Variants in AFDN observed in about 807,000 individuals in gnomAD.
AFDN encodes the protein afadin.
AFDN carries 68 observed loss-of-function variants against 216.6 expected under a neutral mutation model. That is an observed-to-expected ratio of 0.31 (90% CI 0.26 to 0.38). The LOEUF is 0.38. AFDN is among the 10% of genes least tolerant of loss of function. The pLI is 1.00. For missense variants in AFDN, 2,136 were observed against 2,342.0 expected, an observed-to-expected ratio of 0.91 and a Z score of 1.82; for synonymous variants, 868 against 853.7, an observed-to-expected ratio of 1.02 and a Z score of -0.29.
intron 1 of AFDN, among the ~76,000 whole-genome samples, chr6:167,834,477 T>A (rs1243512272): frequency 6.8e-6 from 1 of 146,730 alleles, no homozygotes; most frequent in African/African-American, 2.5e-5. Context: ...TTTTTTTTTT[T>A]TTCGAAAGGT....
In AFDN at chr6:167,946,683, A is replaced by T; in HGVS notation, c.3359-24A>T. The T allele has an allele frequency of 3.1e-6, 5 of 1,602,942 alleles. No individual in the cohort carries two copies. In the South Asian group the frequency reaches 4.4e-5, roughly 14 times the overall value. On this transcript the variant is annotated intron_variant, in intron 26 of 33. Transcript: ENST00000683244. ...GGTGTTGAAAATAAAATCTTAAGAG[A>T]TACTGAATATGCTTTGATTCCAGTT...
intron 21 of AFDN, among the ~76,000 whole-genome samples, chr6:167,920,242 G>A (rs1054905016): frequency 6.6e-6 from 1 of 152,126 alleles, no homozygotes. Flanking sequence ...ACGAGGTTGG[G>A]GAAGGAGGAG....
intron 31 of AFDN, chr6:167,963,967 G>A: frequency 9.4e-7 from 1 of 1,064,792 alleles, no homozygotes. Flanking sequence ...AGTGCCCATT[G>A]CTATAGCTGG....
intron 21 of AFDN, among the ~76,000 whole-genome samples, chr6:167,922,591 T>C (rs772561546): frequency 6.6e-6 from 1 of 152,174 alleles, no homozygotes; most frequent in Non-Finnish European, 1.5e-5. Flanking sequence ...GGTAATTTCT[T>C]ATAGGAGTAA....
In AFDN at chr6:167,866,259, G is replaced by A. The variant is rs188571296; in HGVS notation, c.301+1513G>A. On this transcript the variant is annotated intron_variant, in intron 2 of 33. Transcript: ENST00000683244. Reference sequence around the variant, plus strand: ...AGAAAAGGGTGAAAACAAAAAGATGGTTAAAGAAGAAGGAAATAGTGTCTT... The same window carrying A: ...AGAAAAGGGTGAAAACAAAAAGATGATTAAAGAAGAAGGAAATAGTGTCTT... Among the ~76,000 whole-genome samples the A allele has an allele frequency of 2.0e-3, 297 of 152,238 alleles. 3 individuals carry two copies. The highest frequency in any genetic ancestry group is 4.7e-4 in the Non-Finnish European group (32 of 68,002).
intron 30 of AFDN, among the ~76,000 whole-genome samples, chr6:167,959,647 A>C (rs186467875): frequency 1.5e-4 from 23 of 152,320 alleles, no homozygotes; most frequent in African/African-American, 5.3e-4. Flanking sequence ...TTTTATGTTC[A>C]GATACCAGTT....
At chr6:167,960,777 G>A (rs1387663194) in intron 30 of AFDN, among the ~76,000 whole-genome samples, 4 of 152,150 alleles carry the variant, frequency 2.6e-5, no homozygotes, top group Non-Finnish European at 5.9e-5. Flanking sequence ...TCAACTCAAG[G>A]GCAAGGCGTC....
chr6:167,924,652 A>G (rs183112934), intron 22 of AFDN, among the ~76,000 whole-genome samples: 8 of 152,340 alleles, frequency 5.3e-5, no homozygotes, highest in Admixed American at 5.2e-4. Context: ...CTGGTAATTT[A>G]TTTTGAAAGG....
intron 1 of AFDN, among the ~76,000 whole-genome samples, chr6:167,840,841 G>C (rs918585169): frequency 6.6e-6 from 1 of 152,206 alleles, no homozygotes; most frequent in African/African-American, 2.4e-5. Flanking sequence ...TGACAGTTCA[G>C]ATGGACCTCC....
chr6:167,868,177 A>T (rs986926114), intron 2 of AFDN, among the ~76,000 whole-genome samples: 1 of 152,154 alleles, frequency 6.6e-6, no homozygotes, highest in African/African-American at 2.4e-5. Flanking sequence ...ATTGTAATAT[A>T]TTATTACTAA....
chr6:167,873,628 G>A (rs1051725691), intron 4 of AFDN, among the ~76,000 whole-genome samples: 2 of 152,312 alleles, frequency 1.3e-5, no homozygotes, highest in East Asian at 1.9e-4. Context: ...TCGGCAGACA[G>A]CCCCGTACTG....
chr6:167,963,023 TC>T, intron 31 of AFDN: 1 of 1,080,492 alleles, frequency 9.3e-7, no homozygotes, highest in Non-Finnish European at 1.1e-6. Flanking sequence ...ATCACTCACT[TC>T]TGGTTGATGG....
At chr6:167,838,483 C>T (rs1235099385) in intron 1 of AFDN, among the ~76,000 whole-genome samples, 1 of 152,210 alleles carries the variant, frequency 6.6e-6, no homozygotes, top group South Asian at 2.1e-4. Context: ...CTCTGGTTCT[C>T]CTTACTGCCA....
intron 11 of AFDN, among the ~76,000 whole-genome samples, chr6:167,900,672 A>G (rs945224213): frequency 1.3e-5 from 2 of 152,228 alleles, no homozygotes; most frequent in African/African-American, 4.8e-5. Flanking sequence ...AGTGGAATCA[A>G]GAAGGCTTTG....
intron 1 of AFDN, among the ~76,000 whole-genome samples, chr6:167,859,987 C>G (rs906712380): frequency 4.0e-5 from 6 of 149,044 alleles, no homozygotes; most frequent in Non-Finnish European, 8.8e-5. Flanking sequence ...AGGTTTCCTT[C>G]CCTTTGAATT....
intron 1 of AFDN, among the ~76,000 whole-genome samples, chr6:167,853,136 T>G (rs1314823036): frequency 1.3e-5 from 2 of 152,172 alleles, no homozygotes; most frequent in East Asian, 3.9e-4. Context: ...GTATTTATAT[T>G]TTGTGGGGAG....
intron 31 of AFDN, chr6:167,963,137 A>G: frequency 1.9e-6 from 2 of 1,066,592 alleles, no homozygotes; most frequent in Non-Finnish European, 2.3e-6. Flanking sequence ...GTGTGTTTAA[A>G]TCAAGTAACC....
At chr6:167,916,979 T>G in intron 19 of AFDN, 110 bp from the exon 20 acceptor site, 1 of 970,818 alleles carries the variant, frequency 1.0e-6, no homozygotes, top group Admixed American at 2.9e-5. Flanking sequence ...TCATTCTGCA[T>G]TTCAAAGTTA....
chr6:167,951,282 G>A lies in AFDN; in HGVS notation c.3928G>A (p.Asp1310Asn), dbSNP rs1348032073. The change falls in exon 30 of 34, where the codon GAT becomes AAT. Residue 1310 changes from aspartate (D) to asparagine (N), a missense_variant. Coordinates refer to ENST00000683244, the MANE Select transcript of AFDN (RefSeq NM_001386888.1). The surrounding 1 kb of genome is among the most constrained non-coding windows in gnomAD (Gnocchi z 7.1). Reference protein sequence around the residue: ...EAAMDRKSDSDMWINQSSSLD... With the variant: ...EAAMDRKSDSNMWINQSSSLD... ...AGCTATGGACCGAAAGTCTGATAGTGATATGTGGATAAATCAGAGCTCCTC... is the reference window on the plus strand; with the variant it reads ...AGCTATGGACCGAAAGTCTGATAGTAATATGTGGATAAATCAGAGCTCCTC... 1 of 1,614,144 alleles carries A rather than the reference G, an allele frequency of 6.2e-7. No individual in the cohort carries two copies. The highest frequency in any genetic ancestry group is 2.2e-5 in the East Asian group (1 of 44,878).
Sources: gnomAD v4.1 joint callset for allele counts (sites outside exome capture counted in the v4.1 genomes callset) on GRCh38, gnomAD v4.1.1 for gene constraint, Gnocchi (gnomAD v3.1) non-coding constraint, MANE v1.5 for transcripts, NCBI Gene and HGNC (gene_info 2026-07-23, HGNC 2026-07-21) for gene names.